The following STXBP5 variants were observed in gnomAD, a reference collection of about 807,000 sequenced individuals.
STXBP5 encodes the protein syntaxin-binding protein 5.
STXBP5 carries 50 observed loss-of-function variants against 152.4 expected under a neutral mutation model. That is an observed-to-expected ratio of 0.33 (90% CI 0.26 to 0.42). STXBP5 has a LOEUF of 0.42. Among genes scored for constraint, STXBP5 ranks in the 10% least tolerant of loss-of-function variants. The pLI is 1.00. For synonymous variants in STXBP5, 492 were observed against 494.7 expected (o/e 0.99, Z 0.07); for missense variants, 1,167 against 1,388.6 (o/e 0.84, Z 2.54).
At chr6:147,355,664 A>G (rs576310054) in intron 22 of STXBP5, among the ~76,000 whole-genome samples, 3 of 152,282 alleles carry the variant, frequency 2.0e-5, no homozygotes, top group South Asian at 4.1e-4. Flanking sequence ...TGAGCAAGTC[A>G]CTTAATCTCT....
chr6:147,304,293 C>A (rs1781978437), intron 9 of STXBP5, among the ~76,000 whole-genome samples: 1 of 152,190 alleles, frequency 6.6e-6, no homozygotes, highest in Non-Finnish European at 1.5e-5. Context: ...ACATAGAGCT[C>A]AGGCCATTGC....
At chr6:147,212,400 A>T (rs1476737986) in intron 2 of STXBP5, among the ~76,000 whole-genome samples, 1 of 152,198 alleles carries the variant, frequency 6.6e-6, no homozygotes, top group Non-Finnish European at 1.5e-5. Flanking sequence ...GAAAAAGTAA[A>T]GGCATTTTGG....
At chr6:147,316,521 A>G (rs2128376071) in intron 16 of STXBP5, 114 bp downstream of exon 16, 4 of 993,724 alleles carry the variant, frequency 4.0e-6, no homozygotes, top group Non-Finnish European at 5.5e-6. Context: ...TGGCATAAGA[A>G]TGGTTCTTCC....
At chr6:147,381,739 A>G (rs1345339648) in intron 26 of STXBP5, among the ~76,000 whole-genome samples, 1 of 152,168 alleles carries the variant, frequency 6.6e-6, no homozygotes, top group Non-Finnish European at 1.5e-5. Context: ...TACAACATCA[A>G]TAACCTTTGA....
intron 21 of STXBP5, among the ~76,000 whole-genome samples, chr6:147,342,051 CTG>C (rs1448160606): frequency 7.2e-5 from 11 of 152,170 alleles, no homozygotes; most frequent in Non-Finnish European, 1.6e-4. Context: ...CTCTTAAACA[CTG>C]TGCTATGTTA....
In STXBP5 at chr6:147,246,520, T is replaced by C. The variant is rs1043564524; in HGVS notation, c.431+7250T>C. Among the ~76,000 whole-genome samples the C allele has an allele frequency of 2.6e-5, 4 of 152,316 alleles. No homozygotes were observed. The East Asian group carries it at 7.7e-4, about 29-fold the overall frequency. ...GAAAATTTCCCTTAATGAAATTTTA[T>C]AGAATATTTTCCCCTGTAAGTACAT... On this transcript the variant is annotated intron_variant, in intron 4 of 27. Transcript: ENST00000321680.
intron 9 of STXBP5, among the ~76,000 whole-genome samples, chr6:147,301,578 A>C (rs1335064697): frequency 6.6e-6 from 1 of 152,164 alleles, no homozygotes; most frequent in Non-Finnish European, 1.5e-5. Flanking sequence ...TGTCTTCAGA[A>C]ATAGTCATTC....
chr6:147,248,499 AAAC>A (rs1281712158), intron 4 of STXBP5, among the ~76,000 whole-genome samples: 44 of 152,188 alleles, frequency 2.9e-4, no homozygotes, highest in Admixed American at 2.7e-3. Flanking sequence ...ATGCAGACTA[AAAC>A]AACAACTACT....
At chr6:147,325,408 A>G (rs1182947863) in intron 17 of STXBP5, among the ~76,000 whole-genome samples, 3 of 152,182 alleles carry the variant, frequency 2.0e-5, no homozygotes, top group African/African-American at 4.8e-5. Context: ...ACTATAATGG[A>G]AATCTAACAA....
At chr6:147,301,095 A>G (rs1266026176) in intron 9 of STXBP5, among the ~76,000 whole-genome samples, 3 of 152,144 alleles carry the variant, frequency 2.0e-5, no homozygotes, top group African/African-American at 7.2e-5. Flanking sequence ...TAATACCACA[A>G]TAAGATATCA....
chr6:147,323,412 A>G (rs1304012656), intron 16 of STXBP5, among the ~76,000 whole-genome samples: 1 of 148,338 alleles, frequency 6.7e-6, no homozygotes, highest in Non-Finnish European at 1.5e-5. Flanking sequence ...TTTTTTGGAG[A>G]CGGAGATCTC....
chr6:147,385,485 C>G lies in STXBP5; in HGVS notation c.*730C>G, dbSNP rs549775452. On this transcript the variant is annotated 3_prime_UTR_variant, in exon 28 of 28. Transcript: ENST00000321680. Reference sequence around the variant, plus strand: ...TGTAGAGCATGACTGAATTGCTCATCATTCTGGGAGTTTCCATGTAGTGGC... The same window carrying G: ...TGTAGAGCATGACTGAATTGCTCATGATTCTGGGAGTTTCCATGTAGTGGC... 1 of 151,900 alleles carries G rather than the reference C, an allele frequency of 6.6e-6. No homozygotes were observed. Among genetic ancestry groups the G allele is most frequent in the Admixed American group, 6.6e-5 (1 of 15,228 alleles). The allele number at this position is 151,900 out of a possible 1,614,324, so 9.4% of individuals were successfully genotyped here.
intron 8 of STXBP5, among the ~76,000 whole-genome samples, chr6:147,284,220 T>TA (rs1202433559): frequency 6.6e-6 from 1 of 152,146 alleles, no homozygotes; most frequent in East Asian, 1.9e-4. Context: ...ACGGTAGACT[T>TA]ACGGCTACCC....
At chr6:147,263,515 G>A (rs1779745573) in intron 6 of STXBP5, among the ~76,000 whole-genome samples, 2 of 151,702 alleles carry the variant, frequency 1.3e-5, no homozygotes, top group African/African-American at 2.4e-5. Flanking sequence ...TAATCTTAGT[G>A]TTCTACTCTT....
chr6:147,283,992 G>T (rs900443358), intron 8 of STXBP5, among the ~76,000 whole-genome samples: 2 of 152,112 alleles, frequency 1.3e-5, no homozygotes, highest in African/African-American at 4.8e-5. Context: ...TAGTAACCAT[G>T]TTAAAAACAG....
rs1047793203 is a variant in STXBP5 at position 147,363,364 on chromosome 6, T to G, written c.2575T>G (p.Leu859Val). Residue 859 changes from leucine (L) to valine (V), a missense_variant, in exon 24 of 28, where the codon TTG (leucine) becomes GTG (valine). This residue lies in a region of STXBP5 where 833 missense variants were observed against 986.3 expected (regional missense o/e 0.84). Coordinates refer to ENST00000321680, the MANE Select transcript of STXBP5 (RefSeq NM_001127715.4). The part of the protein sequence containing the change: ...GTILRLKGAI[L>V]RMAFLDTTGC... ...TATATTGAGGTTAAAAGGTGCAATC[T>G]TGAGAATGGCATTTCTGGATACCAC... is the stretch of plus-strand genomic sequence containing the variant. 5 of 1,607,194 alleles carry G rather than the reference T, an allele frequency of 3.1e-6. No individual in the cohort carries two copies. The Admixed American group carries it at 6.8e-5, about 22-fold the overall frequency.
rs1562412472 is a variant in STXBP5 at position 147,213,480 on chromosome 6, G to GCA, written c.248+7413_248+7414insAC. Among the ~76,000 whole-genome samples the GCA allele has an allele frequency of 3.2e-4, 47 of 148,606 alleles. 1 individual carries two copies. Among genetic ancestry groups the GCA allele is most frequent in the African/African-American group, 2.5e-4 (10 of 40,452 alleles). On this transcript the variant is annotated intron_variant, in intron 2 of 27. Coordinates refer to ENST00000321680, the MANE Select transcript of STXBP5 (RefSeq NM_001127715.4). ...TGTGTGTGTGTGTGTGTGTGTGTGC[G>GCA]CGCGCATATATATATTTTTTCTTTT...
At chr6:147,211,203 A>G (rs1397873215) in intron 2 of STXBP5, among the ~76,000 whole-genome samples, 1 of 151,570 alleles carries the variant, frequency 6.6e-6, no homozygotes, top group Non-Finnish European at 1.5e-5. Flanking sequence ...CCAGCTACTC[A>G]GAGGCTGAGG....
At chr6:147,286,406 A>AT (rs1780964911) in intron 8 of STXBP5, among the ~76,000 whole-genome samples, 1 of 152,158 alleles carries the variant, frequency 6.6e-6, no homozygotes, top group East Asian at 1.9e-4. Flanking sequence ...TATGGGTGAT[A>AT]TTTCATACTA....
Sources: allele counts gnomAD v4.1 joint callset (sites outside exome capture counted in the v4.1 genomes callset), GRCh38; gene constraint gnomAD v4.1.1; regional missense constraint gnomAD v4.1.1; transcripts MANE v1.5; gene names NCBI Gene and HGNC (gene_info 2026-07-23, HGNC 2026-07-21).